NIM1K: variants seen among roughly 807,000 people sequenced by gnomAD.
The protein encoded by NIM1K is serine/threonine-protein kinase NIM1.
NIM1K carries 35 observed loss-of-function variants against 37.1 expected under a neutral mutation model. That is an observed-to-expected ratio of 0.94 (90% CI 0.72 to 1.25). NIM1K has a LOEUF of 1.25. Ranked by LOEUF, NIM1K falls within the 50% of genes most tolerant of loss-of-function variation. The pLI, the probability that NIM1K is intolerant of heterozygous loss-of-function variation, is 0.00. For synonymous variants in NIM1K, 234 were observed against 206.6 expected, an observed-to-expected ratio of 1.13 and a Z score of -1.14; for missense variants, 564 against 548.0, an observed-to-expected ratio of 1.03 and a Z score of -0.29.
intron 1 of NIM1K, among the ~76,000 whole-genome samples, chr5:43,236,726 G>T (rs966076639): frequency 3.9e-5 from 6 of 152,218 alleles, no homozygotes; most frequent in Admixed American, 3.3e-4. Context: ...TATATGGGAA[G>T]AGCTGATGTA....
At chr5:43,222,138 T>TAG (rs979875551) in intron 1 of NIM1K, among the ~76,000 whole-genome samples, 6 of 152,282 alleles carry the variant, frequency 3.9e-5, no homozygotes, top group African/African-American at 1.4e-4. Context: ...TCTATTTTGT[T>TAG]TGTGAAAAAG....
intron 1 of NIM1K, among the ~76,000 whole-genome samples, chr5:43,198,191 CTTTCTTTCTTTCTTTCTCTTTCTTTCTT>C (rs1464773435): frequency 0.026 from 1,482 of 57,596 alleles, 10 homozygotes; most frequent in Middle Eastern, 0.066. Flanking sequence ...TTCTTTCTTT[CTTTCTTTCTTTCTTTCTCTTTCTTTCTT>C]TCTTTCTTTC....
At chr5:43,209,115 G>A (rs1035252349) in intron 1 of NIM1K, among the ~76,000 whole-genome samples, 2 of 152,166 alleles carry the variant, frequency 1.3e-5, no homozygotes, top group African/African-American at 2.4e-5. Flanking sequence ...AAAACAGAGG[G>A]AAAATGGAGC....
intron 1 of NIM1K, among the ~76,000 whole-genome samples, chr5:43,206,174 CAGAG>C (rs1752107257): frequency 6.6e-6 from 1 of 151,964 alleles, no homozygotes; most frequent in African/African-American, 2.4e-5. Context: ...AAAGTGTGAG[CAGAG>C]TTCAGTGGAA....
At chr5:43,219,822 A>G (rs1393934915) in intron 1 of NIM1K, among the ~76,000 whole-genome samples, 1 of 125,368 alleles carries the variant, frequency 8.0e-6, no homozygotes, top group Admixed American at 8.8e-5. Context: ...CCCTGGGTTC[A>G]AGCGATTCTC....
chr5:43,210,760 G>A (rs1380589282), intron 1 of NIM1K, among the ~76,000 whole-genome samples: 1 of 152,172 alleles, frequency 6.6e-6, no homozygotes, highest in Non-Finnish European at 1.5e-5. Flanking sequence ...AGATTAATAG[G>A]AGAAAAGGCA....
At chr5:43,198,016 C>T (rs530456205) in intron 1 of NIM1K, among the ~76,000 whole-genome samples, 2 of 152,264 alleles carry the variant, frequency 1.3e-5, no homozygotes, top group African/African-American at 4.8e-5. Context: ...AGCAACCTCA[C>T]ATTGCTTAGA....
intron 2 of NIM1K, among the ~76,000 whole-genome samples, chr5:43,254,361 G>A (rs1212949209): frequency 6.6e-6 from 1 of 152,156 alleles, no homozygotes; most frequent in African/African-American, 2.4e-5. Flanking sequence ...TGAAATGAAT[G>A]GGTCTAGCAG....
intron 1 of NIM1K, among the ~76,000 whole-genome samples, chr5:43,228,661 CAA>C (rs542810989): frequency 1.4e-5 from 2 of 141,102 alleles, no homozygotes; most frequent in Non-Finnish European, 1.5e-5. Context: ...CCTGTCTCTA[CAA>C]AAAAAAAAAC....
At chr5:43,204,935 G>T (rs1410838571) in intron 1 of NIM1K, among the ~76,000 whole-genome samples, 2 of 152,180 alleles carry the variant, frequency 1.3e-5, no homozygotes, top group Admixed American at 1.3e-4. Flanking sequence ...GGTCGAGGCT[G>T]CAGTGAGCTG....
intron 1 of NIM1K, chr5:43,206,855 A>T: frequency 1.3e-6 from 1 of 768,038 alleles, no homozygotes; most frequent in Non-Finnish European, 2.4e-6. Context: ...ATTTAGCAAC[A>T]TGCACAAACA....
At chr5:43,267,991 A>C (rs1166197167) in intron 2 of NIM1K, among the ~76,000 whole-genome samples, 1 of 152,132 alleles carries the variant, frequency 6.6e-6, no homozygotes, top group Admixed American at 6.5e-5. Context: ...TGTTTAAGTC[A>C]TTGTTTCTTT....
At chr5:43,251,323 T>A (rs898688532) in intron 2 of NIM1K, among the ~76,000 whole-genome samples, 1 of 152,200 alleles carries the variant, frequency 6.6e-6, no homozygotes, top group Non-Finnish European at 1.5e-5. Context: ...TTAGGAGAAT[T>A]AAAGGAGAGC....
At chr5:43,207,103 G>A in intron 1 of NIM1K, 1 of 720,358 alleles carries the variant, frequency 1.4e-6, no homozygotes, top group Non-Finnish European at 2.6e-6. Flanking sequence ...CATAGATTGA[G>A]GTGGTGTATG....
At chr5:43,228,364 T>C (rs529321381) in intron 1 of NIM1K, among the ~76,000 whole-genome samples, 90 of 152,158 alleles carry the variant, frequency 5.9e-4, no homozygotes, top group African/African-American at 2.1e-3. Context: ...GCCAGGATGG[T>C]CTCGATCTCC....
At position 43,221,300 on chromosome 5, in the gene NIM1K, C is replaced by T. The variant is rs1460584928; in HGVS notation, c.-694-23782C>T. Among the ~76,000 whole-genome samples, 5 of 151,370 alleles carry T rather than the reference C, an allele frequency of 3.3e-5. No homozygotes were observed. The East Asian group carries it at 7.8e-4, about 23-fold the overall frequency. On this transcript the variant is annotated intron_variant, in intron 1 of 3. Coordinates refer to ENST00000326035, the MANE Select transcript of NIM1K (RefSeq NM_153361.4). Reference sequence around the variant, plus strand: ...GACCAGCTTGGCCAACATAATGAAACCTGAGCTGGGTGTGGTAGTGCATAC... The same window carrying T: ...GACCAGCTTGGCCAACATAATGAAATCTGAGCTGGGTGTGGTAGTGCATAC...
chr5:43,253,212 ATGTGTGTGTGTGTGTG>A (rs10603525), intron 2 of NIM1K, among the ~76,000 whole-genome samples: 10 of 131,754 alleles, frequency 7.6e-5, no homozygotes, highest in Non-Finnish European at 1.1e-4. Flanking sequence ...AATATAATAT[ATGTGTGTGTGTGTGTG>A]TGTGTGTGTG....
chr5:43,207,934 CT>C (rs1450138520), intron 1 of NIM1K: 1 of 470,968 alleles, frequency 2.1e-6, no homozygotes, highest in Non-Finnish European at 2.8e-6. Flanking sequence ...TTTTTTTAAA[CT>C]ATTATTTTTA....
intron 1 of NIM1K, among the ~76,000 whole-genome samples, chr5:43,209,722 G>A (rs1752176506): frequency 6.6e-6 from 1 of 152,010 alleles, no homozygotes; most frequent in Admixed American, 6.6e-5. Flanking sequence ...AGGTCCAAGT[G>A]ATCCTCCCAC....
Sources: allele counts gnomAD v4.1 joint callset (sites outside exome capture counted in the v4.1 genomes callset), GRCh38; gene constraint gnomAD v4.1.1; transcripts MANE v1.5; gene names NCBI Gene and HGNC (gene_info 2026-07-23, HGNC 2026-07-21).